Variants in POU6F2 observed in about 807,000 individuals in gnomAD.
The protein encoded by POU6F2 is POU class 6 homeobox 2, also known as POU domain, class 6, transcription factor 2.
Under a neutral mutation model 71.3 loss-of-function variants are expected in POU6F2, and 31 were observed. That is an observed-to-expected ratio of 0.43 (90% CI 0.33 to 0.59). The LOEUF (loss-of-function observed/expected upper bound fraction) is 0.59, where lower values mean the gene tolerates loss of function less well. Ranked by LOEUF, POU6F2 falls within the 20% of genes least tolerant of loss-of-function variation. The pLI is 0.04. For synonymous variants in POU6F2, 347 were observed against 355.7 expected, an observed-to-expected ratio of 0.98 and a Z score of 0.27; for missense variants, 783 against 856.8, an observed-to-expected ratio of 0.91 and a Z score of 1.07.
intron 2 of POU6F2, among the ~76,000 whole-genome samples, chr7:39,114,107 A>G (rs1445910751): frequency 6.6e-6 from 1 of 152,250 alleles, no homozygotes; most frequent in Non-Finnish European, 1.5e-5. Flanking sequence ...ATAGGTAAAC[A>G]TCCTGAATAT....
intron 2 of POU6F2, among the ~76,000 whole-genome samples, chr7:39,194,418 GA>G (rs2128743776): frequency 6.6e-6 from 1 of 152,338 alleles, no homozygotes; most frequent in Non-Finnish European, 1.5e-5. Flanking sequence ...GTCAGGTGGG[GA>G]CTTGGAGAAG....
intron 3 of POU6F2, among the ~76,000 whole-genome samples, chr7:39,207,096 G>T (rs148944315): frequency 6.6e-6 from 1 of 152,142 alleles, no homozygotes; most frequent in Non-Finnish European, 1.5e-5. Context: ...AATATATGAA[G>T]ATAGGATCAA....
intron 2 of POU6F2, among the ~76,000 whole-genome samples, chr7:39,127,144 C>G (rs1792155634): frequency 6.6e-6 from 1 of 152,112 alleles, no homozygotes; most frequent in East Asian, 1.9e-4. Context: ...TTTACATTCT[C>G]TTTTGTACTT....
intron 8 of POU6F2, among the ~76,000 whole-genome samples, chr7:39,458,285 T>G (rs1179462138): frequency 6.6e-6 from 1 of 152,098 alleles, no homozygotes; most frequent in African/African-American, 2.4e-5. Flanking sequence ...CATTACCAAG[T>G]GCAAATGTAC....
chr7:39,079,298 C>G (rs1220388196), intron 1 of POU6F2, among the ~76,000 whole-genome samples: 1 of 149,852 alleles, frequency 6.7e-6, no homozygotes, highest in Non-Finnish European at 1.5e-5. Context: ...AAGCGATTCT[C>G]CTGCCTTAGC....
chr7:39,056,570 C>T (rs1265630222), intron 1 of POU6F2, among the ~76,000 whole-genome samples: 1 of 151,782 alleles, frequency 6.6e-6, no homozygotes, highest in Admixed American at 6.6e-5. Context: ...AATTATTACT[C>T]TAAAAACTCA....
intron 1 of POU6F2, among the ~76,000 whole-genome samples, chr7:38,994,920 C>T (rs960440530): frequency 6.6e-6 from 1 of 152,184 alleles, no homozygotes; most frequent in African/African-American, 2.4e-5. Context: ...TCTTACTTCC[C>T]CAGTCCTTAA....
intron 4 of POU6F2, among the ~76,000 whole-genome samples, chr7:39,242,613 G>A (rs1296637360): frequency 6.6e-6 from 1 of 152,052 alleles, no homozygotes; most frequent in Non-Finnish European, 1.5e-5. Context: ...TTAGGGTCTT[G>A]TTATGAAAAT....
At chr7:39,006,274 G>A (rs1220163875) in intron 1 of POU6F2, among the ~76,000 whole-genome samples, 1 of 152,068 alleles carries the variant, frequency 6.6e-6, no homozygotes, top group African/African-American at 2.4e-5. Flanking sequence ...GGCCAGCCTG[G>A]CCAACATGGT....
intron 2 of POU6F2, among the ~76,000 whole-genome samples, chr7:39,087,572 G>A (rs1791278907): frequency 1.3e-5 from 2 of 152,086 alleles, no homozygotes; most frequent in South Asian, 4.1e-4. Context: ...TTTTAGGAGG[G>A]TAGTGAGAAA....
chr7:39,326,030 C>T (rs1353353444), intron 4 of POU6F2, among the ~76,000 whole-genome samples: 1 of 152,124 alleles, frequency 6.6e-6, no homozygotes, highest in East Asian at 1.9e-4. Flanking sequence ...TAAATGTTAG[C>T]TCTAATTTTA....
chr7:39,109,320 G>A (rs1233065996), intron 2 of POU6F2, among the ~76,000 whole-genome samples: 1 of 152,170 alleles, frequency 6.6e-6, no homozygotes, highest in African/African-American at 2.4e-5. Flanking sequence ...ATAGGTGTGA[G>A]TCACCACACT....
chr7:39,290,103 C>T (rs987441368), intron 4 of POU6F2, among the ~76,000 whole-genome samples: 18 of 152,158 alleles, frequency 1.2e-4, no homozygotes, highest in Non-Finnish European at 2.4e-4. Flanking sequence ...TATTTTTTAA[C>T]GTGTTTATGT....
chr7:39,332,261 A>G (rs1171928539), intron 4 of POU6F2, among the ~76,000 whole-genome samples: 5 of 151,816 alleles, frequency 3.3e-5, no homozygotes, highest in Admixed American at 3.3e-4. Flanking sequence ...TTTTTTCTGC[A>G]GATTTTTCCC....
At chr7:39,410,004 G>A (rs1253903735) in intron 6 of POU6F2, among the ~76,000 whole-genome samples, 4 of 152,122 alleles carry the variant, frequency 2.6e-5, no homozygotes. Flanking sequence ...CAAAGAACAG[G>A]CACTATTCAA....
intron 5 of POU6F2, among the ~76,000 whole-genome samples, chr7:39,394,369 C>T (rs1213361816): frequency 6.6e-6 from 1 of 152,130 alleles, no homozygotes; most frequent in African/African-American, 2.4e-5. Flanking sequence ...TTGATGACTA[C>T]CAATTGTTAT....
In POU6F2 at chr7:38,986,526, T is replaced by C. The variant is rs577533747; in HGVS notation, c.105+8468T>C. On this transcript the variant is annotated intron_variant, in intron 1 of 9. Transcript: ENST00000518318. ...TCCCTTTCTACCTTTATTTATCAAA[T>C]AGAATTTAAACAGCTAGTTCAGGCA... is the stretch of plus-strand genomic sequence containing the variant. 6.6e-5 allele frequency among the ~76,000 whole-genome samples: 10 copies of C among 152,282 alleles called. No homozygotes were observed. In the East Asian group the frequency reaches 1.7e-3, roughly 26 times the overall value.
intron 2 of POU6F2, among the ~76,000 whole-genome samples, chr7:39,172,176 T>C (rs1203250841): frequency 2.0e-5 from 3 of 152,246 alleles, no homozygotes; most frequent in Admixed American, 2.0e-4. Flanking sequence ...TGCACATTTG[T>C]GTTCACATAT....
Position 39,433,126 on chromosome 7 carries a change from C to A in POU6F2, c.1163C>A (p.Ala388Glu). ...CCTAATCCAGGGCCATCGAGCCAAG[C>A]AGCAAGCGGCACTCAGGGCTTGCAA... is the stretch of plus-strand genomic sequence containing the variant. ...LMPNPGPSSQ[A>E]ASGTQGLQVQ... Residue 388 changes from alanine (A) to glutamate (E), a missense_variant, in exon 7 of 10, where the codon GCA (alanine) becomes GAA (glutamate). Physicochemically the swap from Ala to Glu is moderately radical, Grantham distance 107. Around this residue, in one of 2 missense-constraint regions of POU6F2, gnomAD observed 572 missense variants for 572.9 expected, o/e 1.00. Coordinates refer to ENST00000518318, the MANE Select transcript of POU6F2 (RefSeq NM_001370959.1). 6.2e-7 allele frequency: 1 copy of A among 1,613,640 alleles called. No individual in the cohort carries two copies. Among genetic ancestry groups the A allele is most frequent in the Non-Finnish European group, 8.5e-7 (1 of 1,179,718 alleles).
Sources: allele counts gnomAD v4.1 joint callset (sites outside exome capture counted in the v4.1 genomes callset), GRCh38; gene constraint gnomAD v4.1.1; regional missense constraint gnomAD v4.1.1; transcripts MANE v1.5; gene names NCBI Gene and HGNC (gene_info 2026-07-23, HGNC 2026-07-21).